TOX: variants seen among roughly 807,000 people sequenced by gnomAD.
TOX encodes the protein thymocyte selection associated high mobility group box, also known as thymocyte selection-associated high mobility group box protein TOX.
TOX carries 11 observed loss-of-function variants against 53.7 expected under a neutral mutation model. The observed-to-expected ratio is 0.20, with a 90% CI of 0.13 to 0.34. The LOEUF is 0.34. Among genes scored for constraint, TOX ranks in the 10% least tolerant of loss-of-function variants. The pLI, the probability that TOX is intolerant of heterozygous loss-of-function variation, is 1.00. For synonymous variants in TOX, 225 were observed against 245.3 expected (o/e 0.92, Z 0.77); for missense variants, 570 against 664.6 (o/e 0.86, Z 1.56).
intron 1 of TOX, among the ~76,000 whole-genome samples, chr8:59,090,277 C>T (rs1327929175): frequency 1.3e-5 from 2 of 152,114 alleles, no homozygotes; most frequent in Admixed American, 1.3e-4. Flanking sequence ...GAAAATGCTG[C>T]TGTAGGTAAC....
At chr8:58,872,745 C>T (rs1020684815) in intron 3 of TOX, among the ~76,000 whole-genome samples, 4 of 152,078 alleles carry the variant, frequency 2.6e-5, no homozygotes, top group Non-Finnish European at 5.9e-5. Flanking sequence ...GAAACTGCCT[C>T]AACTGAGAAG....
intron 1 of TOX, among the ~76,000 whole-genome samples, chr8:59,013,698 C>A (rs145399830): frequency 1.3e-5 from 2 of 152,172 alleles, no homozygotes; most frequent in Non-Finnish European, 2.9e-5. Context: ...CGTGAGCCAG[C>A]GCACCTGGCC....
chr8:58,987,069 G>C (rs539714969), intron 1 of TOX, among the ~76,000 whole-genome samples: 1 of 152,348 alleles, frequency 6.6e-6, no homozygotes, highest in African/African-American at 2.4e-5. Flanking sequence ...GTTGTGGACA[G>C]GCTGCAGTCC....
At chr8:58,949,790 G>C (rs940967307) in intron 2 of TOX, among the ~76,000 whole-genome samples, 4 of 151,532 alleles carry the variant, frequency 2.6e-5, no homozygotes, top group Non-Finnish European at 5.9e-5. Flanking sequence ...AACCAGCATG[G>C]AGTTGAGCAT....
At chr8:59,054,773 A>G (rs988087312) in intron 1 of TOX, among the ~76,000 whole-genome samples, 1 of 151,754 alleles carries the variant, frequency 6.6e-6, no homozygotes, top group Non-Finnish European at 1.5e-5. Context: ...GCTCATAGTG[A>G]TAAAGGAAGA....
chr8:58,880,134 C>T (rs1213423517), intron 3 of TOX, among the ~76,000 whole-genome samples: 1 of 152,104 alleles, frequency 6.6e-6, no homozygotes, highest in East Asian at 1.9e-4. Flanking sequence ...GGACAAGGGA[C>T]AACTGTAAGG....
At chr8:59,037,733 C>T (rs1358034812) in intron 1 of TOX, among the ~76,000 whole-genome samples, 2 of 142,016 alleles carry the variant, frequency 1.4e-5, no homozygotes, top group Non-Finnish European at 1.5e-5. Flanking sequence ...ACCTGGGAGG[C>T]GGAGGTTGCA....
intron 3 of TOX, among the ~76,000 whole-genome samples, chr8:58,853,087 CCA>C (rs1810852900): frequency 6.6e-6 from 1 of 152,146 alleles, no homozygotes; most frequent in African/African-American, 2.4e-5. Flanking sequence ...TCCACAGCCC[CCA>C]TGTGTGCCCT....
intron 1 of TOX, among the ~76,000 whole-genome samples, chr8:59,112,083 A>G (rs1209744593): frequency 6.6e-6 from 1 of 152,234 alleles, no homozygotes; most frequent in African/African-American, 2.4e-5. Context: ...GCCATAGATC[A>G]AACTAAAGAA....
intron 1 of TOX, among the ~76,000 whole-genome samples, chr8:59,035,284 T>C (rs1814436370): frequency 6.6e-6 from 1 of 152,238 alleles, no homozygotes; most frequent in Admixed American, 6.5e-5. Flanking sequence ...TAAATGTGTG[T>C]AGATGAAAAT....
intron 1 of TOX, among the ~76,000 whole-genome samples, chr8:59,035,682 G>A (rs1463403237): frequency 6.6e-6 from 1 of 152,170 alleles, no homozygotes; most frequent in Non-Finnish European, 1.5e-5. Context: ...AAAATATTGT[G>A]TGCTGAGGGT....
chr8:58,832,393 T>C (rs1456263144), intron 5 of TOX, among the ~76,000 whole-genome samples: 1 of 152,016 alleles, frequency 6.6e-6, no homozygotes, highest in Non-Finnish European at 1.5e-5. Flanking sequence ...GGAAAATGCT[T>C]AATGTTTATA....
chr8:59,043,616 G>A (rs571597087), intron 1 of TOX, among the ~76,000 whole-genome samples: 3 of 152,114 alleles, frequency 2.0e-5, no homozygotes, highest in African/African-American at 4.8e-5. Context: ...CAATACTCTC[G>A]GGTCAACTGT....
intron 1 of TOX, among the ~76,000 whole-genome samples, chr8:59,081,285 C>A (rs565109229): frequency 6.6e-6 from 1 of 152,222 alleles, no homozygotes; most frequent in South Asian, 2.1e-4. Flanking sequence ...CCTCAGCCTC[C>A]CAAAGTGCTG....
chr8:58,903,876 G>T (rs1272937897), intron 3 of TOX, among the ~76,000 whole-genome samples: 1 of 152,096 alleles, frequency 6.6e-6, no homozygotes, highest in Admixed American at 6.6e-5. Context: ...TCTTAACCCT[G>T]CACCCCAGCC....
intron 2 of TOX, among the ~76,000 whole-genome samples, chr8:58,958,920 G>T (rs1347768870): frequency 6.6e-6 from 1 of 152,166 alleles, no homozygotes; most frequent in Non-Finnish European, 1.5e-5. Flanking sequence ...ATATACATTA[G>T]ATTTAATTCA....
At chr8:59,107,694 A>G (rs950312387) in intron 1 of TOX, among the ~76,000 whole-genome samples, 1 of 152,162 alleles carries the variant, frequency 6.6e-6, no homozygotes, top group African/African-American at 2.4e-5. Context: ...GCAGTGGGTG[A>G]CTCTGATATT....
chr8:58,821,515 T>A (rs1810275207), intron 6 of TOX, among the ~76,000 whole-genome samples: 1 of 152,170 alleles, frequency 6.6e-6, no homozygotes, highest in Non-Finnish European at 1.5e-5. Flanking sequence ...TATTGTTGAC[T>A]CTAGGTCCAA....
chr8:59,022,495 C>T (rs139087154), intron 1 of TOX, among the ~76,000 whole-genome samples: 18 of 152,272 alleles, frequency 1.2e-4, no homozygotes, highest in African/African-American at 3.1e-4. Context: ...TAACAGCCAA[C>T]GGGATTTAAA....
Sources: allele counts gnomAD v4.1 joint callset (sites outside exome capture counted in the v4.1 genomes callset), GRCh38; gene constraint gnomAD v4.1.1; transcripts MANE v1.5; gene names NCBI Gene and HGNC (gene_info 2026-07-23, HGNC 2026-07-21).